Variants in BEND7 observed in about 807,000 individuals in gnomAD.
BEND7 encodes BEN domain containing 7, also known as BEN domain-containing protein 7.
BEND7 carries 28 observed loss-of-function variants against 50.9 expected under a neutral mutation model. The ratio of observed to expected loss-of-function variants is 0.55; its 90% CI spans 0.41 to 0.75. The LOEUF is 0.75. Ranked by LOEUF, BEND7 falls within the 30% of genes least tolerant of loss-of-function variation. The pLI is 0.00. For missense variants in BEND7, 477 were observed against 491.3 expected, an observed-to-expected ratio of 0.97 and a Z score of 0.28; for synonymous variants, 170 against 183.9, an observed-to-expected ratio of 0.92 and a Z score of 0.61.
rs1839344512 is a variant in BEND7, at chr10:13,457,916, GT to G, written c.1064-5259del. ...TGCATTCATCTTGAGAATGCAATAGGTTCTAAAAAGAAATCTCCCTCCTTTC... is the reference window on the plus strand; with the variant it reads ...TGCATTCATCTTGAGAATGCAATAGGTCTAAAAAGAAATCTCCCTCCTTTC... On this transcript the variant is annotated intron_variant, in intron 6 of 8. Transcript: ENST00000466271. 2.6e-5 allele frequency among the ~76,000 whole-genome samples: 4 copies of G among 152,294 alleles called. No homozygotes were observed. In the South Asian group the frequency reaches 8.3e-4, roughly 32 times the overall value.
At chr10:13,520,447 C>T (rs1048132012) in intron 2 of BEND7, among the ~76,000 whole-genome samples, 9 of 151,854 alleles carry the variant, frequency 5.9e-5, no homozygotes, top group Non-Finnish European at 1.3e-4. Flanking sequence ...GGAGATGGGT[C>T]GGGTCAGACC....
chr10:13,527,802 C>T (rs536795156), intron 1 of BEND7: 2 of 977,694 alleles, frequency 2.0e-6, no homozygotes, highest in East Asian at 2.3e-4. Context: ...ATTCCACTTT[C>T]CCCTCCCTGA....
At chr10:13,459,526 G>A (rs892466800) in intron 6 of BEND7, 2 of 152,154 alleles carry the variant, frequency 1.3e-5, no homozygotes, top group Non-Finnish European at 2.9e-5. Flanking sequence ...AAAACACTAC[G>A]AGAGGGTGGG....
intron 2 of BEND7, among the ~76,000 whole-genome samples, chr10:13,519,675 C>T (rs1211973810): frequency 6.6e-6 from 1 of 152,190 alleles, no homozygotes; most frequent in Non-Finnish European, 1.5e-5. Context: ...AGAGTGTTAT[C>T]CAAGGTGTTA....
intron 1 of BEND7, chr10:13,527,726 T>TA (rs60474158): frequency 1.7e-5 from 9 of 523,780 alleles, no homozygotes; most frequent in African/African-American, 1.5e-4. Flanking sequence ...ATCATTTTTT[T>TA]AAAAAAAAAA....
chr10:13,510,530 G>A (rs1330282659), intron 2 of BEND7, among the ~76,000 whole-genome samples: 1 of 152,152 alleles, frequency 6.6e-6, no homozygotes, highest in Non-Finnish European at 1.5e-5. Context: ...TTAGATAAAT[G>A]AATTATGGTA....
chr10:13,450,120 G>A (rs527443243), intron 7 of BEND7, among the ~76,000 whole-genome samples: 6 of 152,224 alleles, frequency 3.9e-5, no homozygotes, highest in Non-Finnish European at 5.9e-5. Context: ...ATTATTCCAT[G>A]TGACGACAGC....
intron 1 of BEND7, among the ~76,000 whole-genome samples, chr10:13,528,051 C>T (rs1341328616): frequency 1.3e-5 from 2 of 152,188 alleles, no homozygotes; most frequent in African/African-American, 2.4e-5. Context: ...AGAACAACAA[C>T]GGTCATCCTT....
intron 2 of BEND7, among the ~76,000 whole-genome samples, chr10:13,515,413 T>A (rs2078593716): frequency 6.6e-6 from 1 of 152,236 alleles, no homozygotes; most frequent in South Asian, 2.1e-4. Context: ...AAAAACATTG[T>A]AAACCCCTTG....
intron 5 of BEND7, among the ~76,000 whole-genome samples, chr10:13,488,703 T>TG (rs537179822): frequency 0.046 from 7,063 of 152,198 alleles, 513 homozygotes; most frequent in African/African-American, 0.16. Flanking sequence ...TGGCCAGGAC[T>TG]GTCTCAATCT....
At chr10:13,526,364 A>G (rs1255841676) in intron 1 of BEND7, 143 bp from the exon 2 acceptor site, 2 of 253,608 alleles carry the variant, frequency 7.9e-6, no homozygotes, top group African/African-American at 4.6e-5. Flanking sequence ...TAATCACAGA[A>G]TTTGTAGTCA....
At chr10:13,491,246 G>A (rs1398803015) in intron 5 of BEND7, among the ~76,000 whole-genome samples, 1 of 151,064 alleles carries the variant, frequency 6.6e-6, no homozygotes, top group East Asian at 1.9e-4. Context: ...CCAAGAGGCG[G>A]AGGTTGCAGT....
At chr10:13,500,753 T>C in intron 2 of BEND7, 1 of 985,510 alleles carries the variant, frequency 1.0e-6, no homozygotes, top group Non-Finnish European at 1.2e-6. Context: ...GTTTTGTCTT[T>C]CTGGCACTCT....
chr10:13,449,427 T>G (rs1016093117), intron 7 of BEND7, among the ~76,000 whole-genome samples: 5 of 152,214 alleles, frequency 3.3e-5, no homozygotes, highest in African/African-American at 1.2e-4. Flanking sequence ...TCTGCCCATC[T>G]TAACACATAA....
At chr10:13,523,237 T>C (rs1017422589) in intron 2 of BEND7, among the ~76,000 whole-genome samples, 7 of 152,354 alleles carry the variant, frequency 4.6e-5, no homozygotes, top group African/African-American at 1.7e-4. Flanking sequence ...CACAGCCAGC[T>C]TGAGAAAGTC....
At chr10:13,458,777 G>T (rs1009625055) in intron 6 of BEND7, among the ~76,000 whole-genome samples, 8 of 152,168 alleles carry the variant, frequency 5.3e-5, no homozygotes. Flanking sequence ...TGCAGCCAGG[G>T]ATGTGCAGAG....
chr10:13,484,237 G>A (rs1039608793), intron 5 of BEND7, among the ~76,000 whole-genome samples: 1 of 152,180 alleles, frequency 6.6e-6, no homozygotes, highest in East Asian at 1.9e-4. Flanking sequence ...GTGAACAAGC[G>A]CCAATGCTAT....
At chr10:13,453,136 A>C (rs1838152048) in intron 6 of BEND7, among the ~76,000 whole-genome samples, 2 of 152,200 alleles carry the variant, frequency 1.3e-5, no homozygotes, top group South Asian at 2.1e-4. Flanking sequence ...TGGTGTCGTG[A>C]TGAAAGTTCC....
At chr10:13,480,838 C>A in intron 6 of BEND7, 61 bp downstream of exon 6, 1 of 1,598,812 alleles carries the variant, frequency 6.3e-7, no homozygotes, top group Non-Finnish European at 8.5e-7. Context: ...TCAGCTGCAT[C>A]GTTACGGAAT....
Sources: allele counts gnomAD v4.1 joint callset (sites outside exome capture counted in the v4.1 genomes callset), GRCh38; gene constraint gnomAD v4.1.1; transcripts MANE v1.5; gene names NCBI Gene and HGNC (gene_info 2026-07-23, HGNC 2026-07-21).